Variants in SLC35D4 observed in about 807,000 individuals in gnomAD.
SLC35D4 encodes UDP-N-acetylglucosamine transporter SLC35D4.
At chr18:23,428,782 C>T in the SLC35D4 span, among the ~76,000 whole-genome samples, 1 of 152,014 alleles carries the variant, frequency 6.6e-6, no homozygotes, top group Non-Finnish European at 1.5e-5. Flanking sequence ...GATCCTGTCA[C>T]CCAAACAGTG....
At chr18:23,328,442 G>T in the SLC35D4 span, among the ~76,000 whole-genome samples, 117,847 of 152,052 alleles carry the variant, frequency 0.78, 46,080 homozygotes, top group Middle Eastern at 0.89. Context: ...CATGAGTGAA[G>T]TCCCATTCAC....
the SLC35D4 span, chr18:23,257,693 T>G: frequency 8.4e-6 from 2 of 239,384 alleles, no homozygotes; most frequent in Non-Finnish European, 1.6e-5. Flanking sequence ...GCAAGCGTGG[T>G]CCAGGGCCTT....
At chr18:23,431,745 T>G in the SLC35D4 span, among the ~76,000 whole-genome samples, 2 of 152,256 alleles carry the variant, frequency 1.3e-5, no homozygotes, top group Non-Finnish European at 2.9e-5. Flanking sequence ...TTTATGTATA[T>G]TAATTGAATT....
chr18:23,384,696 G>A, the SLC35D4 span, among the ~76,000 whole-genome samples: 2 of 152,198 alleles, frequency 1.3e-5, no homozygotes, highest in Non-Finnish European at 2.9e-5. Context: ...ATTGGCCGGG[G>A]GTAGGAATGC....
At chr18:23,293,084 A>G in the SLC35D4 span, among the ~76,000 whole-genome samples, 1 of 152,158 alleles carries the variant, frequency 6.6e-6, no homozygotes, top group African/African-American at 2.4e-5. Context: ...TACTAAAAAG[A>G]AAATACAAAA....
At chr18:23,364,413 C>T in the SLC35D4 span, among the ~76,000 whole-genome samples, 4,009 of 152,300 alleles carry the variant, frequency 0.026, 63 homozygotes, top group Middle Eastern at 0.058. Flanking sequence ...TTGCACCACA[C>T]TCCACGAAGC....
chr18:23,307,874 T>C, the SLC35D4 span, among the ~76,000 whole-genome samples: 1 of 152,080 alleles, frequency 6.6e-6, no homozygotes, highest in Non-Finnish European at 1.5e-5. Flanking sequence ...GCCTCAGCCA[T>C]CCTTCTGAAG....
chr18:23,433,066 C>CT, the SLC35D4 span, among the ~76,000 whole-genome samples: 19 of 143,042 alleles, frequency 1.3e-4, no homozygotes, highest in South Asian at 4.5e-4. Context: ...TAACTCTTTT[C>CT]TTTTTTTTTT....
At chr18:23,263,397 C>T in the SLC35D4 span, among the ~76,000 whole-genome samples, 1 of 152,212 alleles carries the variant, frequency 6.6e-6, no homozygotes, top group Non-Finnish European at 1.5e-5. Flanking sequence ...TCCATAGCAT[C>T]GTCTTCTTGG....
At chr18:23,317,516 A>G in the SLC35D4 span, among the ~76,000 whole-genome samples, 2 of 152,174 alleles carry the variant, frequency 1.3e-5, no homozygotes, top group Admixed American at 1.3e-4. Context: ...TTTTGTGCAA[A>G]TATGGAATAT....
chr18:23,244,571 A>G, the SLC35D4 span, among the ~76,000 whole-genome samples: 3 of 152,230 alleles, frequency 2.0e-5, no homozygotes, highest in Admixed American at 6.5e-5. Context: ...GTCGAGGGCC[A>G]CCGTTGCTTA....
chr18:23,399,104 A>G, the SLC35D4 span, among the ~76,000 whole-genome samples: 2 of 152,220 alleles, frequency 1.3e-5, no homozygotes, highest in Non-Finnish European at 2.9e-5. Context: ...TTGTTTTACT[A>G]GCTTCCCCGT....
At chr18:23,437,918 C>T in the SLC35D4 span, 2 of 1,535,776 alleles carry the variant, frequency 1.3e-6, no homozygotes, top group South Asian at 1.2e-5. Flanking sequence ...GCCGCCCGAC[C>T]CCCGCAGCAG....
At chr18:23,357,124 G>T in the SLC35D4 span, among the ~76,000 whole-genome samples, 2 of 152,020 alleles carry the variant, frequency 1.3e-5, no homozygotes, top group African/African-American at 4.8e-5. Context: ...CAGGATAAAA[G>T]AATCTTTTTC....
the SLC35D4 span, among the ~76,000 whole-genome samples, chr18:23,300,321 C>T: frequency 2.0e-5 from 3 of 152,264 alleles, no homozygotes; most frequent in East Asian, 1.9e-4. Context: ...AGAGTCACCA[C>T]GACCGGATGC....
the SLC35D4 span, among the ~76,000 whole-genome samples, chr18:23,286,992 C>T: frequency 2.7e-5 from 4 of 150,782 alleles, no homozygotes; most frequent in Admixed American, 1.3e-4. Flanking sequence ...TGATCATGCA[C>T]CCCTTACCAT....
the SLC35D4 span, among the ~76,000 whole-genome samples, chr18:23,287,236 A>C: frequency 6.6e-6 from 1 of 152,176 alleles, no homozygotes; most frequent in African/African-American, 2.4e-5. Flanking sequence ...CCGTGGTGCC[A>C]AACCCATATA....
chr18:23,287,969 A>AC, the SLC35D4 span, among the ~76,000 whole-genome samples: 1 of 151,938 alleles, frequency 6.6e-6, no homozygotes, highest in Non-Finnish European at 1.5e-5. Flanking sequence ...TGCTCAACTC[A>AC]CCCTCTACAG....
At chr18:23,404,730 G>T in the SLC35D4 span, among the ~76,000 whole-genome samples, 1 of 150,260 alleles carries the variant, frequency 6.7e-6, no homozygotes, top group Non-Finnish European at 1.5e-5. Flanking sequence ...GGTAATCCCA[G>T]CACTCCCAGC....
Sources: allele counts gnomAD v4.1 joint callset (sites outside exome capture counted in the v4.1 genomes callset), GRCh38; gene constraint gnomAD v4.1.1; transcripts MANE v1.5; gene names NCBI Gene and HGNC (gene_info 2026-07-23, HGNC 2026-07-21).